The following PSIP1 variants were observed in gnomAD, a reference collection of about 807,000 sequenced individuals.
PSIP1 encodes the protein PC4 and SFRS1-interacting protein.
In PSIP1, 19 loss-of-function variants were observed where a neutral mutation model predicts 74.7. The ratio of observed to expected loss-of-function variants is 0.25; its 90% confidence interval spans 0.18 to 0.37. The LOEUF is 0.37. Ranked by LOEUF, PSIP1 falls within the 10% of genes least tolerant of loss-of-function variation. The pLI is 1.00. For missense variants in PSIP1, 601 were observed against 614.3 expected (o/e 0.98, Z 0.23); for synonymous variants, 222 against 195.3 (o/e 1.14, Z -1.14).
chr9:15,484,749 A>C (rs1255393803), intron 6 of PSIP1, among the ~76,000 whole-genome samples: 1 of 150,058 alleles, frequency 6.7e-6, no homozygotes, highest in East Asian at 2.0e-4. Context: ...AAAACAAAAC[A>C]AAAAAATACA....
chr9:15,480,847 G>A (rs1008766237), intron 6 of PSIP1, among the ~76,000 whole-genome samples: 3 of 152,144 alleles, frequency 2.0e-5, no homozygotes, highest in South Asian at 2.1e-4. Flanking sequence ...TGGAACTCAG[G>A]GGGCAGAGGT....
chr9:15,486,442 A>C (rs1300412486), intron 5 of PSIP1, among the ~76,000 whole-genome samples: 1 of 152,162 alleles, frequency 6.6e-6, no homozygotes, highest in Non-Finnish European at 1.5e-5. Context: ...GGAAGGGCTA[A>C]ATGAGTCATC....
chr9:15,471,924 G>A (rs944306691), intron 10 of PSIP1: 5 of 980,648 alleles, frequency 5.1e-6, no homozygotes, highest in East Asian at 1.1e-4. Flanking sequence ...AGAAAAGCAT[G>A]TCAGAGAAAG....
intron 6 of PSIP1, among the ~76,000 whole-genome samples, chr9:15,481,813 G>C (rs971625871): frequency 2.6e-5 from 4 of 152,258 alleles, no homozygotes; most frequent in African/African-American, 9.6e-5. Flanking sequence ...CCATGCACGT[G>C]TGTTCATGAC....
chr9:15,490,744 C>T lies in PSIP1; in HGVS notation c.150-620G>A, dbSNP rs542635373. Among the ~76,000 whole-genome samples the T allele has an allele frequency of 1.3e-4, 18 of 142,762 alleles. No homozygotes were observed. The South Asian group carries it at 4.2e-3, about 33-fold the overall frequency. 93.7% of individuals were successfully genotyped at this position (142,762 alleles called of 152,430 possible). A position where few individuals can be genotyped will look rare whatever the true frequency, so the allele number is the denominator to read the frequency against. ...AATTTGGGTTTTTTTAAACTACAAA[C>T]TTTGACACATTAGCATTAATCAACA... On this transcript the variant is annotated intron_variant, in intron 3 of 15. Transcript: ENST00000380733.
intron 8 of PSIP1, among the ~76,000 whole-genome samples, chr9:15,476,209 ACTG>A (rs1037597797): frequency 2.0e-4 from 30 of 152,324 alleles, no homozygotes; most frequent in African/African-American, 7.0e-4. Flanking sequence ...TGTAAAGGCT[ACTG>A]CTATTTTAGG....
intron 4 of PSIP1, among the ~76,000 whole-genome samples, chr9:15,489,672 T>C (rs995751485): frequency 2.7e-5 from 4 of 148,042 alleles, no homozygotes; most frequent in African/African-American, 7.5e-5. Context: ...AACTTAGGCA[T>C]ACACCATGTA....
At chr9:15,471,345 A>T (rs750749622) in intron 10 of PSIP1, 129 of 1,564,356 alleles carry the variant, frequency 8.2e-5, no homozygotes, top group Non-Finnish European at 9.9e-5. Flanking sequence ...ATAACAGGAG[A>T]AGGAAAGAAA....
chr9:15,473,980 C>T (rs768485834), intron 9 of PSIP1, 29 bp downstream of exon 9: 4 of 1,428,318 alleles, frequency 2.8e-6, no homozygotes, highest in Non-Finnish European at 3.8e-6. Flanking sequence ...AAGAATAGAA[C>T]AGCCATTTTA....
chr9:15,464,367 C>A lies in PSIP1; in HGVS notation c.*1153G>T, dbSNP rs113112345. The A allele has an allele frequency of 9.2e-5, 18 of 195,006 alleles. No homozygotes were observed. The highest frequency in any genetic ancestry group is 3.9e-4 in the African/African-American group (17 of 43,252). The allele number at this position is 195,006 out of a possible 1,614,324, so 12.1% of individuals were successfully genotyped here. A position where few individuals can be genotyped will look rare whatever the true frequency, so the allele number is the denominator to read the frequency against. ...ATTTCAAAACATGAGAAGTATCCTA[C>A]TTGCTGAGAAGTGCCAAATGACCCT... On this transcript the variant is annotated 3_prime_UTR_variant, in exon 16 of 16. Transcript: ENST00000380733.
chr9:15,499,264 G>C (rs572898243), intron 3 of PSIP1, among the ~76,000 whole-genome samples: 17 of 152,058 alleles, frequency 1.1e-4, no homozygotes, highest in Non-Finnish European at 1.9e-4. Flanking sequence ...CTATATGTAC[G>C]AACTCAGACC....
chr9:15,504,064 CA>C (rs1230086226), intron 3 of PSIP1, among the ~76,000 whole-genome samples: 2 of 152,166 alleles, frequency 1.3e-5, no homozygotes, highest in Non-Finnish European at 2.9e-5. Flanking sequence ...ATCTTAAGTA[CA>C]AAAGAAGTCA....
At chr9:15,501,750 A>G (rs1433312309) in intron 3 of PSIP1, among the ~76,000 whole-genome samples, 2 of 151,060 alleles carry the variant, frequency 1.3e-5, no homozygotes, top group African/African-American at 2.5e-5. Context: ...AGACAGTTGT[A>G]CCTCCGTATC....
At chr9:15,509,686 T>G (rs1321914699) in intron 2 of PSIP1, among the ~76,000 whole-genome samples, 5 of 152,218 alleles carry the variant, frequency 3.3e-5, no homozygotes, top group Admixed American at 1.3e-4. Flanking sequence ...AAATCCAATT[T>G]AATCACATAC....
chr9:15,504,530 G>C (rs138442585), intron 3 of PSIP1, among the ~76,000 whole-genome samples: 371 of 152,198 alleles, frequency 2.4e-3, no homozygotes, highest in African/African-American at 8.8e-3. Context: ...GAGGTCAGGA[G>C]ATCGAGACCA....
rs760253132 is a variant in PSIP1, at chr9:15,468,982, G to C, written c.1181C>G (p.Thr394Arg). ...TTTTTTCAGTGTAGTAATCATCTCT[G>C]TGTGTTTCTGAGCTTGTTGCATTGT... Reference protein sequence around the residue: ...QVTMQQAQKHTEMITTLKKIR... With the variant: ...QVTMQQAQKHREMITTLKKIR... Residue 394 changes from threonine (T) to arginine (R), a missense_variant, in exon 13 of 16, where the codon ACA becomes AGA. Thr to Arg is a moderately conservative substitution (Grantham distance 71). Coordinates refer to ENST00000380733, the MANE Select transcript of PSIP1 (RefSeq NM_033222.5). 1 of 1,613,868 alleles carries C rather than the reference G, an allele frequency of 6.2e-7. No homozygotes were observed. Among genetic ancestry groups the C allele is most frequent in the Non-Finnish European group, 8.5e-7 (1 of 1,179,930 alleles).
chr9:15,506,699 A>C (rs1301080244), intron 2 of PSIP1, 62 bp from the exon 3 acceptor site: 2 of 1,257,406 alleles, frequency 1.6e-6, no homozygotes, highest in East Asian at 4.7e-5. Flanking sequence ...CATTTATCTG[A>C]ATAAACAAGA....
In PSIP1 at chr9:15,472,637, A is replaced by G. The variant is rs766728171; in HGVS notation, c.972T>C (p.Thr324=). The part of the protein sequence containing the change: ...RKRKQEEQME[T]EQQNKDEGKK... Reference sequence around the variant, plus strand: ...AGAAAAAAAAAAATACTTACTGCTCAGTTTCCATTTGTTCCTCTTGCTTGC... The same window carrying G: ...AGAAAAAAAAAAATACTTACTGCTCGGTTTCCATTTGTTCCTCTTGCTTGC... Residue 324 remains threonine (T), a synonymous_variant, in exon 10 of 16, where the codon ACT becomes ACC. Coordinates refer to ENST00000380733, the MANE Select transcript of PSIP1 (RefSeq NM_033222.5). 1.1e-5 allele frequency: 17 copies of G among 1,584,270 alleles called. No individual in the cohort carries two copies. The African/African-American group carries it at 2.3e-4, about 22-fold the overall frequency.
In PSIP1 at chr9:15,508,644, G is replaced by A. The variant is rs181199774; in HGVS notation, c.72+1473C>T. ...TTTTCAAACACCTCAAAATAAACAA[G>A]GATACCTCGAAGACCATGAAAAAGT... On this transcript the variant is annotated intron_variant, in intron 2 of 15. Coordinates refer to ENST00000380733, the MANE Select transcript of PSIP1 (RefSeq NM_033222.5). 1.9e-3 allele frequency among the ~76,000 whole-genome samples: 291 copies of A among 152,134 alleles called. 3 individuals are homozygous for A. Among genetic ancestry groups the A allele is most frequent in the Admixed American group, 7.3e-3 (111 of 15,270 alleles).
Sources: gnomAD v4.1 joint callset for allele counts (sites outside exome capture counted in the v4.1 genomes callset) on GRCh38, gnomAD v4.1.1 for gene constraint, MANE v1.5 for transcripts, NCBI Gene and HGNC (gene_info 2026-07-23, HGNC 2026-07-21) for gene names.